The following MGST1 variants were observed in gnomAD, a reference collection of about 807,000 sequenced individuals.
MGST1 encodes glutathione S-transferase 12.
In MGST1, 5 loss-of-function variants were observed where a neutral mutation model predicts 8.9. The ratio of observed to expected loss-of-function variants is 0.56; its 90% CI spans 0.29 to 1.19. The LOEUF (loss-of-function observed/expected upper bound fraction) is 1.19. MGST1 is among the 50% of genes most tolerant of loss of function. MGST1 has a pLI of 0.08. For missense variants in MGST1, 182 were observed against 187.4 expected, an observed-to-expected ratio of 0.97 and a Z score of 0.17; for synonymous variants, 54 against 67.8, an observed-to-expected ratio of 0.80 and a Z score of 1.00.
In MGST1 at chr12:16,395,265, C is replaced by T. The variant is rs1250543504; in HGVS notation, n.778+11661C>T. The stretch of plus-strand genomic sequence containing the variant: ...ATTTATTTAAAAGTCCATTATTTTT[C>T]ACTTAGTTGCAATAAACCTCTGCCA... On this transcript the variant is annotated intron_variant and non_coding_transcript_variant, in intron 1 of 1. Coordinates refer to the MGST1 transcript ENST00000359720. Among the ~76,000 whole-genome samples the T allele has an allele frequency of 2.0e-5, 3 of 152,106 alleles. No individual in the cohort carries two copies. In the East Asian group the frequency reaches 5.8e-4, roughly 29 times the overall value.
At chr12:16,462,250 TTTTTAAAC>T (rs1941226304) in intron 4 of MGST1, among the ~76,000 whole-genome samples, 1 of 152,206 alleles carries the variant, frequency 6.6e-6, no homozygotes, top group South Asian at 2.1e-4. Context: ...ATCAGTTAAA[TTTTTAAAC>T]TTCCAACCAA....
chr12:16,478,962 T>C (rs868099600), intron 4 of MGST1, among the ~76,000 whole-genome samples: 4 of 152,026 alleles, frequency 2.6e-5, no homozygotes, highest in South Asian at 2.1e-4. Flanking sequence ...TTCTCCCCAT[T>C]GCCCCTTCCC....
chr12:16,399,245 A>G, intron 1 of MGST1: 2 of 1,582,306 alleles, frequency 1.3e-6, no homozygotes, highest in Non-Finnish European at 1.7e-6. Context: ...GGCTAGAGGA[A>G]GAAAGGAGCT....
intron 4 of MGST1, among the ~76,000 whole-genome samples, chr12:16,474,431 A>G (rs982143667): frequency 6.6e-6 from 1 of 152,218 alleles, no homozygotes; most frequent in Non-Finnish European, 1.5e-5. Context: ...CTTTGTGCTT[A>G]TTGGATTTCA....
chr12:16,422,595 G>A (rs2137085202), intron 1 of MGST1, among the ~76,000 whole-genome samples: 1 of 152,186 alleles, frequency 6.6e-6, no homozygotes, highest in Middle Eastern at 3.4e-3. Flanking sequence ...TCTGCCTCTG[G>A]ATTGCTTCTG....
At chr12:16,387,723 T>G (rs1396474841) in intron 1 of MGST1, among the ~76,000 whole-genome samples, 1 of 152,094 alleles carries the variant, frequency 6.6e-6, no homozygotes, top group Non-Finnish European at 1.5e-5. Flanking sequence ...AGACGGGTTT[T>G]CACCGTGTTA....
downstream of MGST1, among the ~76,000 whole-genome samples, chr12:16,378,220 C>T (rs1351155413): frequency 6.6e-6 from 1 of 152,076 alleles, no homozygotes; most frequent in Non-Finnish European, 1.5e-5. Flanking sequence ...AAGTCCTTGC[C>T]CATGCCTATG....
chr12:16,391,646 C>G (rs990939993), intron 1 of MGST1, among the ~76,000 whole-genome samples: 2 of 152,128 alleles, frequency 1.3e-5, no homozygotes, highest in Non-Finnish European at 2.9e-5. Flanking sequence ...GATATTAGAC[C>G]TTTGTCAGAT....
rs138465841 is a variant in MGST1, at chr12:16,589,193, T to C, written n.483-335T>C. Among the ~76,000 whole-genome samples the C allele has an allele frequency of 8.5e-5, 13 of 152,210 alleles. No homozygotes were observed. The East Asian group carries it at 1.9e-3, about 23-fold the overall frequency. ...GAAGTGACAAGAACTCATGTAACTTTTTATTTTTTAATGAAGTGATATTCA... is the reference window on the plus strand; with the variant it reads ...GAAGTGACAAGAACTCATGTAACTTCTTATTTTTTAATGAAGTGATATTCA... On this transcript the variant is annotated intron_variant and non_coding_transcript_variant, in intron 4 of 4. Transcript: ENST00000538857. The surrounding 1 kb of genome is among the most constrained non-coding windows in gnomAD (Gnocchi z 4.2).
chr12:16,495,976 A>G (rs1224855894), intron 4 of MGST1, among the ~76,000 whole-genome samples: 1 of 152,138 alleles, frequency 6.6e-6, no homozygotes, highest in African/African-American at 2.4e-5. Flanking sequence ...TATGACAAAA[A>G]TATGAAATTA....
intron 4 of MGST1, among the ~76,000 whole-genome samples, chr12:16,516,067 C>T (rs1941612898): frequency 6.6e-6 from 1 of 152,174 alleles, no homozygotes; most frequent in East Asian, 1.9e-4. Context: ...ATTTTATTTA[C>T]TCATTTTTTT....
chr12:16,366,628 T>TAC (rs374809283), downstream of MGST1, among the ~76,000 whole-genome samples: 19,129 of 83,586 alleles, frequency 0.23, 1,247 homozygotes, highest in African/African-American at 0.29. This position sits in a 1 kb window ranked among gnomAD's most constrained non-coding sequence, Gnocchi z 4.0. Flanking sequence ...TATCTGTGTG[T>TAC]ACACACACAC....
At position 16,574,600 on chromosome 12, in the gene MGST1, C is replaced by T. The variant is rs558081717; in HGVS notation, n.483-14928C>T. ...CTTAGGAACTTTCCCCCTATTTGTACCACTTTTTAAATTTTAAATCTCAGT... is the reference window on the plus strand; with the variant it reads ...CTTAGGAACTTTCCCCCTATTTGTATCACTTTTTAAATTTTAAATCTCAGT... On this transcript the variant is annotated intron_variant and non_coding_transcript_variant, in intron 4 of 4. Coordinates refer to the MGST1 transcript ENST00000538857. 7.6e-4 allele frequency among the ~76,000 whole-genome samples: 116 copies of T among 152,172 alleles called. 1 individual carries two copies. Among genetic ancestry groups the T allele is most frequent in the African/African-American group, 2.7e-3 (114 of 41,500 alleles).
chr12:16,435,928 G>A (rs1940981352), intron 1 of MGST1, among the ~76,000 whole-genome samples: 1 of 151,476 alleles, frequency 6.6e-6, no homozygotes, highest in Non-Finnish European at 1.5e-5. Flanking sequence ...AACTATATAG[G>A]AAAATTGAAA....
At chr12:16,532,411 C>T (rs1941728741) in intron 4 of MGST1, among the ~76,000 whole-genome samples, 2 of 152,106 alleles carry the variant, frequency 1.3e-5, no homozygotes, top group African/African-American at 4.8e-5. Flanking sequence ...ATTCTCACCA[C>T]AAAAACTTCA....
chr12:16,493,714 G>A (rs959281610), intron 4 of MGST1, among the ~76,000 whole-genome samples: 1 of 152,060 alleles, frequency 6.6e-6, no homozygotes, highest in African/African-American at 2.4e-5. Flanking sequence ...TCTTAGTTTA[G>A]CCCCATACCA....
intron 1 of MGST1, among the ~76,000 whole-genome samples, chr12:16,398,622 G>T (rs544382425): frequency 1.2e-4 from 18 of 152,362 alleles, no homozygotes; most frequent in Non-Finnish European, 2.4e-4. Flanking sequence ...TTTGTATGGA[G>T]AAAATAACCG....
intron 4 of MGST1, among the ~76,000 whole-genome samples, chr12:16,522,157 T>C (rs1941652469): frequency 6.6e-6 from 1 of 152,148 alleles, no homozygotes; most frequent in African/African-American, 2.4e-5. Context: ...GGTTTTACTC[T>C]ATTCCTCCAC....
At chr12:16,418,708 T>C (rs1217882436) in intron 1 of MGST1, among the ~76,000 whole-genome samples, 1 of 152,176 alleles carries the variant, frequency 6.6e-6, no homozygotes, top group Non-Finnish European at 1.5e-5. Flanking sequence ...AGACAAATTA[T>C]TTAACCTTTG....
Sources: allele counts gnomAD v4.1 joint callset (sites outside exome capture counted in the v4.1 genomes callset), GRCh38; gene constraint gnomAD v4.1.1; non-coding constraint Gnocchi (gnomAD v3.1); transcripts MANE v1.5; gene names NCBI Gene and HGNC (gene_info 2026-07-23, HGNC 2026-07-21).